Variants in DNAH7 observed in about 807,000 individuals in gnomAD.
The protein encoded by DNAH7 is axonemal beta dynein heavy chain 7.
In DNAH7, 397 loss-of-function variants were observed where a neutral mutation model predicts 444.6. The ratio of observed to expected loss-of-function variants is 0.89; its 90% CI spans 0.82 to 0.97. The LOEUF is 0.97. Ranked by LOEUF, DNAH7 falls within the 50% of genes least tolerant of loss-of-function variation. DNAH7 has a pLI of 0.00. For missense variants in DNAH7, 4,902 were observed against 4,800.8 expected (o/e 1.02, Z -0.62); for synonymous variants, 1,636 against 1,624.4 (o/e 1.01, Z -0.17).
At chr2:195,893,853 A>G (rs1266054370) in intron 30 of DNAH7, 1 of 151,762 alleles carries the variant, frequency 6.6e-6, no homozygotes, top group Non-Finnish European at 1.5e-5. Flanking sequence ...ATCTCCTTCT[A>G]CTCTTTGAGC....
chr2:196,055,830 A>C (rs1575115118), intron 2 of DNAH7, among the ~76,000 whole-genome samples: 1 of 151,804 alleles, frequency 6.6e-6, no homozygotes, highest in African/African-American at 2.4e-5. Flanking sequence ...CTATACAACA[A>C]CCCCATCACT....
intron 21 of DNAH7, among the ~76,000 whole-genome samples, chr2:195,929,111 A>G (rs911413117): frequency 1.3e-5 from 2 of 152,116 alleles, no homozygotes; most frequent in Non-Finnish European, 2.9e-5. Context: ...CAAGAATGCA[A>G]TCCCATTCAC....
chr2:195,826,369 T>A (rs1697748704), intron 48 of DNAH7, among the ~76,000 whole-genome samples: 1 of 152,206 alleles, frequency 6.6e-6, no homozygotes, highest in South Asian at 2.1e-4. Context: ...GTCATGCTCA[T>A]AACTGTAAAA....
chr2:196,024,346 A>G (rs1695551006), intron 8 of DNAH7, 83 bp downstream of exon 8: 2 of 867,676 alleles, frequency 2.3e-6, no homozygotes, highest in South Asian at 4.6e-5. Context: ...ATAAACATAC[A>G]TTTGAGAAAA....
rs529950421 is a variant in DNAH7, at chr2:195,987,104, T to C, written c.1716A>G (p.Leu572=). The part of the protein sequence containing the change: ...KRADIICGKL[L]AKMFRDHQEV... ...CCTGATGATCTCTGAACATTTTAGC[T>C]AGAAGTTTCCCACAAATAATATCTG... The change falls in exon 14 of 65, where the codon CTA becomes CTG. Residue 572 remains leucine (L), a synonymous_variant. Coordinates refer to ENST00000312428, the MANE Select transcript of DNAH7 (RefSeq NM_018897.3). The C allele has an allele frequency of 1.2e-4, 185 of 1,608,348 alleles. 3 individuals are homozygous for C. In the South Asian group the frequency reaches 2.0e-3, roughly 18 times the overall value.
chr2:195,755,141 C>T (rs1302920912), intron 62 of DNAH7, among the ~76,000 whole-genome samples: 1 of 152,134 alleles, frequency 6.6e-6, no homozygotes, highest in African/African-American at 2.4e-5. Context: ...AGAAGAGATC[C>T]CCATAAAGTC....
chr2:195,907,241 A>ATTT (rs148930748), intron 25 of DNAH7, among the ~76,000 whole-genome samples: 6 of 148,560 alleles, frequency 4.0e-5, no homozygotes, highest in African/African-American at 1.5e-4. Flanking sequence ...TCCTTTCTGC[A>ATTT]TTTTTTTTTT....
At position 195,926,410 on chromosome 2, in the gene DNAH7, G is replaced by C. The variant is rs1243800046; in HGVS notation, c.3612+16C>G. The C allele has an allele frequency of 2.0e-6, 3 of 1,491,064 alleles. No homozygotes were observed. Among genetic ancestry groups the C allele is most frequent in the Non-Finnish European group, 2.7e-6 (3 of 1,123,330 alleles). 92.4% of individuals were successfully genotyped at this position (1,491,064 alleles called of 1,614,324 possible). On this transcript the variant is annotated intron_variant, in intron 22 of 64. Coordinates refer to ENST00000312428, the MANE Select transcript of DNAH7 (RefSeq NM_018897.3). Reference sequence around the variant, plus strand: ...AAAAAATGCTTAAAAAAACCCGAGGGTTAATAAAACCTTACCTTTATCCCC... The same window carrying C: ...AAAAAATGCTTAAAAAAACCCGAGGCTTAATAAAACCTTACCTTTATCCCC...
rs1177475660 is a variant in DNAH7, at chr2:196,001,838, T to C, written c.1010A>G (p.Asn337Ser). ...LLKMWFPEVQNIYYQGNKKKQ... is the reference protein window; with the variant it reads ...LLKMWFPEVQSIYYQGNKKKQ... ...TTTTTTATTACCTTGGTAATAAATA[T>C]TCTGCACTTCTGGAAACCACCTTGA... Residue 337 changes from asparagine to serine, a missense_variant, in exon 11 of 65, where the codon AAT (asparagine) becomes AGT (serine). Coordinates refer to ENST00000312428, the MANE Select transcript of DNAH7 (RefSeq NM_018897.3). 5.0e-6 allele frequency: 8 copies of C among 1,607,278 alleles called. No homozygotes were observed. Among genetic ancestry groups the C allele is most frequent in the East Asian group, 4.5e-5 (2 of 44,812 alleles).
chr2:195,886,176 C>A lies in DNAH7; in HGVS notation c.5503G>T (p.Glu1835Ter). 1 of 1,613,756 alleles carries A rather than the reference C, an allele frequency of 6.2e-7. No individual in the cohort carries two copies. The highest frequency in any genetic ancestry group is 8.5e-7 in the Non-Finnish European group (1 of 1,179,852). The part of the protein sequence containing the change: ...DDFADEVKLK[E>*]RNDRETYSLL... ...GAGTAAGTTTCTCGATCATTTCTCT[C>A]CTTTAGTTTGACTTCATCAGCAAAA... Residue 1835 changes from glutamate (E) to a stop codon, truncating the protein, a stop_gained, in exon 34 of 65, where the codon GAG becomes TAG. Transcript: ENST00000312428. LOFTEE classifies it high-confidence loss of function.
intron 54 of DNAH7, among the ~76,000 whole-genome samples, chr2:195,801,778 G>T (rs1696472256): frequency 6.6e-6 from 1 of 152,174 alleles, no homozygotes; most frequent in Non-Finnish European, 1.5e-5. Context: ...TAATTGACAT[G>T]TCACAATGCC....
At chr2:195,846,088 G>A (rs1403197088) in intron 46 of DNAH7, among the ~76,000 whole-genome samples, 1 of 152,056 alleles carries the variant, frequency 6.6e-6, no homozygotes, top group Non-Finnish European at 1.5e-5. Context: ...ACAATGGGGA[G>A]AAACATTTGC....
intron 51 of DNAH7, among the ~76,000 whole-genome samples, chr2:195,812,481 T>A (rs565015054): frequency 6.6e-6 from 1 of 152,360 alleles, no homozygotes; most frequent in African/African-American, 2.4e-5. Context: ...TTTCTATATT[T>A]ATGTTATTTT....
chr2:195,779,999 T>A (rs1695295848), intron 58 of DNAH7, among the ~76,000 whole-genome samples: 1 of 152,226 alleles, frequency 6.6e-6, no homozygotes, highest in South Asian at 2.1e-4. Context: ...TACTTAGTTT[T>A]AAAAAGTATT....
At chr2:195,749,180 A>C (rs1028473457) in intron 63 of DNAH7, among the ~76,000 whole-genome samples, 3 of 152,220 alleles carry the variant, frequency 2.0e-5, no homozygotes, top group African/African-American at 7.2e-5. Context: ...AGGACATGAA[A>C]AAACACTTCT....
At chr2:195,991,186 A>G (rs1348938088) in intron 12 of DNAH7, among the ~76,000 whole-genome samples, 1 of 152,078 alleles carries the variant, frequency 6.6e-6, no homozygotes, top group South Asian at 2.1e-4. Context: ...AGCATACAAC[A>G]CAAAGCTAAA....
chr2:195,880,183 C>T (rs1008929390), intron 36 of DNAH7, among the ~76,000 whole-genome samples: 4 of 152,034 alleles, frequency 2.6e-5, no homozygotes, highest in African/African-American at 9.7e-5. Flanking sequence ...GGACAATAAC[C>T]TCTATGAGGA....
In DNAH7 at chr2:195,876,616, A is replaced by G. The variant is rs993369565; in HGVS notation, c.6045T>C (p.Thr2015=). 4 of 1,613,412 alleles carry G rather than the reference A, an allele frequency of 2.5e-6. No individual in the cohort carries two copies. In the African/African-American group the frequency reaches 4.0e-5, roughly 16 times the overall value. ...NFSAQTTAAQ[T]QNIVMSKLDK... ...CCAATTTTGACATGACAATATTCTG[A>G]GTTTGAGCTGCTGTAGTTTGTGCTG... The change falls in exon 37 of 65, where the codon ACT becomes ACC. Residue 2015 remains threonine (T), a synonymous_variant. Coordinates refer to ENST00000312428, the MANE Select transcript of DNAH7 (RefSeq NM_018897.3).
intron 17 of DNAH7, among the ~76,000 whole-genome samples, chr2:195,965,907 C>A (rs1013582155): frequency 6.6e-6 from 1 of 151,612 alleles, no homozygotes; most frequent in Non-Finnish European, 1.5e-5. Flanking sequence ...TTTTCAAAAA[C>A]TTTTCATATC....
Sources: gnomAD v4.1 joint callset for allele counts (sites outside exome capture counted in the v4.1 genomes callset) on GRCh38, gnomAD v4.1.1 for gene constraint, MANE v1.5 for transcripts, NCBI Gene and HGNC (gene_info 2026-07-23, HGNC 2026-07-21) for gene names.